Variants in TRIM37 observed in about 807,000 individuals in gnomAD.
The protein encoded by TRIM37 is tripartite motif containing 37, also known as E3 ubiquitin-protein ligase TRIM37.
TRIM37 carries 80 observed loss-of-function variants against 129.8 expected under a neutral mutation model. The observed-to-expected ratio is 0.62, with a 90% CI of 0.51 to 0.74. The LOEUF (loss-of-function observed/expected upper bound fraction) is 0.74, where lower values mean the gene tolerates loss of function less well. TRIM37 is among the 30% of genes least tolerant of loss of function. TRIM37 has a pLI of 0.00. For missense variants in TRIM37, 1,054 were observed against 1,176.5 expected, an observed-to-expected ratio of 0.90 and a Z score of 1.52; for synonymous variants, 389 against 387.1, an observed-to-expected ratio of 1.00 and a Z score of -0.06.
downstream of TRIM37, among the ~76,000 whole-genome samples, chr17:58,993,245 T>C (rs550572973): frequency 1.3e-5 from 2 of 152,288 alleles, no homozygotes; most frequent in South Asian, 4.1e-4. Flanking sequence ...TAAACCTCTT[T>C]CTTTTGTAAA....
chr17:58,998,937 A>T lies in TRIM37; in HGVS notation c.*440T>A, dbSNP rs2033314651. The T allele has an allele frequency of 9.7e-7, 1 of 1,032,566 alleles. No individual in the cohort carries two copies. The highest frequency in any genetic ancestry group is 1.7e-5 in the African/African-American group (1 of 57,722). The allele number at this position is 1,032,566 out of a possible 1,614,324, so 64.0% of individuals were successfully genotyped here. A position where few individuals can be genotyped will look rare whatever the true frequency, so the allele number is the denominator to read the frequency against. On this transcript the variant is annotated 3_prime_UTR_variant, in exon 24 of 24. Transcript: ENST00000262294. Reference sequence around the variant, plus strand: ...TTCACTAATCTACAGGCACTAATGGAACTGTAATTAAAACCCCAAATATAA... The same window carrying T: ...TTCACTAATCTACAGGCACTAATGGTACTGTAATTAAAACCCCAAATATAA...
At chr17:59,101,677 A>AAAAAATAT (rs1568265833) in intron 2 of TRIM37, among the ~76,000 whole-genome samples, 1 of 101,556 alleles carries the variant, frequency 9.8e-6, no homozygotes, top group Non-Finnish European at 1.8e-5. Flanking sequence ...AAAAAAAAAA[A>AAAAAATAT]ATATATATAT....
chr17:59,086,402 C>T (rs772916536), intron 4 of TRIM37, among the ~76,000 whole-genome samples: 3 of 151,976 alleles, frequency 2.0e-5, no homozygotes, highest in Non-Finnish European at 4.4e-5. Context: ...CCACGCCCAG[C>T]TAATTTTTGT....
chr17:59,088,470 T>C lies in TRIM37; in HGVS notation c.165-63A>G, dbSNP rs1039882679. The C allele has an allele frequency of 3.9e-6, 4 of 1,032,326 alleles. No homozygotes were observed. The African/African-American group carries it at 4.8e-5, about 12-fold the overall frequency. The allele number at this position is 1,032,326 out of a possible 1,614,324, so 63.9% of individuals were successfully genotyped here. ...ATTTGAGATTATTTTATAAAATAAA[T>C]ACGTTTCTCAAAATAGAGAGCACAA... On this transcript the variant is annotated intron_variant, in intron 3 of 23. Transcript: ENST00000262294.
chr17:59,056,796 C>CCAAATGAT (rs1412448849), intron 13 of TRIM37, 79 bp downstream of exon 13: 19 of 992,356 alleles, frequency 1.9e-5, no homozygotes, highest in Non-Finnish European at 2.6e-5. Flanking sequence ...TCTTTGTTAA[C>CCAAATGAT]CAAATGATCT....
chr17:59,094,846 T>G (rs1204066191), intron 2 of TRIM37, among the ~76,000 whole-genome samples: 1 of 152,136 alleles, frequency 6.6e-6, no homozygotes, highest in Non-Finnish European at 1.5e-5. Context: ...ATGAAGGTAG[T>G]TAGATACTGG....
At chr17:58,980,137 T>C (rs1178228720), downstream of TRIM37, 2 of 1,614,004 alleles carry the variant, frequency 1.2e-6, no homozygotes, top group South Asian at 1.1e-5. This position sits in a 1 kb window ranked among gnomAD's most constrained non-coding sequence, Gnocchi z 4.7. Flanking sequence ...AAGAGAATAA[T>C]GGAGACAGCA....
chr17:59,088,158 C>T, intron 4 of TRIM37, 133 bp downstream of exon 4: 1 of 672,692 alleles, frequency 1.5e-6, no homozygotes, highest in South Asian at 1.7e-5. Context: ...CAGCGCATGA[C>T]TGAAAGAATT....
At chr17:58,976,761 T>A in the TRIM37 span, among the ~76,000 whole-genome samples, 8 of 152,194 alleles carry the variant, frequency 5.3e-5, no homozygotes, top group Non-Finnish European at 1.0e-4. Context: ...TTTGGCAGCA[T>A]TTTCTCTGTA....
chr17:58,986,338 A>C (rs2031806924), intron 24 of TRIM37, among the ~76,000 whole-genome samples: 1 of 151,760 alleles, frequency 6.6e-6, no homozygotes, highest in African/African-American at 2.4e-5. Flanking sequence ...AGCTGGGATT[A>C]CAGGCGCCCG....
chr17:58,975,945 CAACA>C, the TRIM37 span, among the ~76,000 whole-genome samples: 2 of 152,054 alleles, frequency 1.3e-5, no homozygotes, highest in African/African-American at 2.4e-5. Flanking sequence ...ACCTACTAAT[CAACA>C]AACAATCTGG....
At position 59,079,781 on chromosome 17, in the gene TRIM37, G is replaced by A. The variant is rs1346119743; in HGVS notation, c.589C>T (p.Leu197=). The change falls in exon 7 of 24, where the codon CTG becomes TTG. Residue 197 remains leucine, a synonymous_variant. Transcript: ENST00000262294. Reference sequence around the variant, plus strand: ...ATCAGTGTTATAAGCTTATTCTTCAGCTGTGTGTCTAACCGTGCAATCATC... The same window carrying A: ...ATCAGTGTTATAAGCTTATTCTTCAACTGTGTGTCTAACCGTGCAATCATC... ...EMMIARLDTQ[L]KNKLITLMGQ... is the part of the protein sequence containing the mutation. 1 of 1,613,904 alleles carries A rather than the reference G, an allele frequency of 6.2e-7. No homozygotes were observed. The highest frequency in any genetic ancestry group is 1.3e-5 in the African/African-American group (1 of 74,906).
intron 17 of TRIM37, among the ~76,000 whole-genome samples, chr17:59,034,619 G>A (rs1007007741): frequency 2.0e-5 from 3 of 151,768 alleles, no homozygotes; most frequent in Non-Finnish European, 2.9e-5. Flanking sequence ...CTCAGCCTCC[G>A]AAAGTGCTGG....
chr17:59,069,882 G>A (rs532006562), intron 9 of TRIM37, among the ~76,000 whole-genome samples: 1 of 152,324 alleles, frequency 6.6e-6, no homozygotes, highest in African/African-American at 2.4e-5. Flanking sequence ...GAAAAGGTCA[G>A]GTGAAGACAC....
chr17:59,101,325 T>C (rs889277520), intron 2 of TRIM37, among the ~76,000 whole-genome samples: 2 of 151,844 alleles, frequency 1.3e-5, no homozygotes, highest in African/African-American at 4.8e-5. Flanking sequence ...CAGTGAAAAA[T>C]ATTAATATAG....
At chr17:59,032,739 GACC>G (rs749492280) in intron 17 of TRIM37, among the ~76,000 whole-genome samples, 14 of 151,994 alleles carry the variant, frequency 9.2e-5, no homozygotes, top group Non-Finnish European at 2.1e-4. Context: ...TATATCCCAT[GACC>G]ACCTGGTTTT....
At chr17:59,012,251 C>CCAT in intron 22 of TRIM37, 77 bp downstream of exon 22, 1 of 949,138 alleles carries the variant, frequency 1.1e-6, no homozygotes, top group South Asian at 1.3e-5. Flanking sequence ...ACCACCACCA[C>CCAT]CACCACCCAC....
chr17:59,078,020 G>A (rs1354258824), intron 7 of TRIM37, among the ~76,000 whole-genome samples: 1 of 151,788 alleles, frequency 6.6e-6, no homozygotes, highest in African/African-American at 2.4e-5. Flanking sequence ...AGCTACTCAG[G>A]AGGCTGAGGC....
At chr17:59,106,186 G>A (rs2045971194) in intron 1 of TRIM37, among the ~76,000 whole-genome samples, 1 of 152,140 alleles carries the variant, frequency 6.6e-6, no homozygotes, top group South Asian at 2.1e-4. Flanking sequence ...ACACCCGGTG[G>A]GGATGAGTAC....
Sources: gnomAD v4.1 joint callset for allele counts (sites outside exome capture counted in the v4.1 genomes callset) on GRCh38, gnomAD v4.1.1 for gene constraint, Gnocchi (gnomAD v3.1) non-coding constraint, MANE v1.5 for transcripts, NCBI Gene and HGNC (gene_info 2026-07-23, HGNC 2026-07-21) for gene names.